Variants in TLK2 observed in about 807,000 individuals in gnomAD.
TLK2 encodes the protein serine/threonine-protein kinase tousled-like 2.
A neutral mutation model predicts 117.3 loss-of-function variants in TLK2; 6 were observed. The ratio of observed to expected loss-of-function variants is 0.05; its 90% CI spans 0.03 to 0.10. The LOEUF (loss-of-function observed/expected upper bound fraction) is 0.10. TLK2 is among the 10% of genes least tolerant of loss of function. The pLI is 1.00. For synonymous variants in TLK2, 257 were observed against 316.7 expected, an observed-to-expected ratio of 0.81 and a Z score of 2.00; for missense variants, 299 against 901.2, an observed-to-expected ratio of 0.33 and a Z score of 8.56.
intron 6 of TLK2, among the ~76,000 whole-genome samples, chr17:62,531,756 GTTTAT>G (rs2076756714): frequency 6.6e-6 from 1 of 152,042 alleles, no homozygotes; most frequent in Non-Finnish European, 1.5e-5. Flanking sequence ...ATTTTGTTTA[GTTTAT>G]TTTGTTTGCT....
intron 11 of TLK2, among the ~76,000 whole-genome samples, chr17:62,571,569 A>G (rs372859158): frequency 6.6e-6 from 1 of 152,206 alleles, no homozygotes; most frequent in Non-Finnish European, 1.5e-5. Context: ...CTCTTGAATT[A>G]TCATTTTCAT....
At chr17:62,583,752 A>G (rs2081385454) in intron 15 of TLK2, among the ~76,000 whole-genome samples, 1 of 151,020 alleles carries the variant, frequency 6.6e-6, no homozygotes, top group South Asian at 2.1e-4. Flanking sequence ...TAATTTTTGT[A>G]TTTTTTGGTA....
intron 15 of TLK2, chr17:62,585,562 T>G (rs1463156944): frequency 1.3e-5 from 2 of 152,234 alleles, no homozygotes; most frequent in Non-Finnish European, 2.9e-5. Context: ...CAAAACCACT[T>G]TTCATTTACC....
At chr17:62,603,987 T>C (rs1156761335) in intron 19 of TLK2, among the ~76,000 whole-genome samples, 1 of 119,240 alleles carries the variant, frequency 8.4e-6, no homozygotes, top group African/African-American at 4.8e-5. Flanking sequence ...TATTTATTTA[T>C]TTATTTATTT....
intron 6 of TLK2, among the ~76,000 whole-genome samples, chr17:62,532,755 G>A (rs2076829920): frequency 6.6e-6 from 1 of 152,028 alleles, no homozygotes; most frequent in Admixed American, 6.6e-5. Flanking sequence ...CCAGTATCTT[G>A]TAAGCATTTA....
intron 7 of TLK2, among the ~76,000 whole-genome samples, chr17:62,537,386 A>T (rs1218069112): frequency 6.6e-6 from 1 of 152,244 alleles, no homozygotes; most frequent in Non-Finnish European, 1.5e-5. Flanking sequence ...ACGTCATTTC[A>T]TTCAACATGG....
intron 10 of TLK2, among the ~76,000 whole-genome samples, chr17:62,564,361 C>T (rs531932925): frequency 6.6e-6 from 1 of 152,076 alleles, no homozygotes. Flanking sequence ...CACAGTGAAA[C>T]CCCGTCTCTA....
chr17:62,509,250 G>A (rs531764976), intron 2 of TLK2, among the ~76,000 whole-genome samples: 1 of 151,986 alleles, frequency 6.6e-6, no homozygotes, highest in African/African-American at 2.4e-5. Flanking sequence ...CACCACACCC[G>A]GGTAATTTTC....
At chr17:62,568,549 G>C (rs1339959287) in intron 11 of TLK2, among the ~76,000 whole-genome samples, 1 of 152,002 alleles carries the variant, frequency 6.6e-6, no homozygotes, top group Non-Finnish European at 1.5e-5. Context: ...GCTAGTCCAG[G>C]TATTTATTCT....
At chr17:62,562,907 C>A (rs1249468538) in intron 10 of TLK2, among the ~76,000 whole-genome samples, 1 of 152,264 alleles carries the variant, frequency 6.6e-6, no homozygotes, top group Admixed American at 6.5e-5. Flanking sequence ...ATCACTTGAA[C>A]CCAGGAGTTT....
At chr17:62,556,856 G>A (rs1464848913) in intron 9 of TLK2, among the ~76,000 whole-genome samples, 1 of 152,154 alleles carries the variant, frequency 6.6e-6, no homozygotes, top group Admixed American at 6.5e-5. Flanking sequence ...CCTTTCTTCT[G>A]AATCTCATTA....
intron 3 of TLK2, 31 bp downstream of exon 3, chr17:62,520,875 C>A: frequency 6.2e-7 from 1 of 1,608,138 alleles, no homozygotes; most frequent in Non-Finnish European, 8.5e-7. Flanking sequence ...CAGGACTTTT[C>A]ATACTTGTAC....
At chr17:62,609,809 A>G (rs1038350259) in intron 21 of TLK2, among the ~76,000 whole-genome samples, 1 of 152,206 alleles carries the variant, frequency 6.6e-6, no homozygotes, top group Non-Finnish European at 1.5e-5. Flanking sequence ...AGACAAAAAC[A>G]TCTTCCTTAA....
At chr17:62,552,035 A>C in intron 7 of TLK2, 1 of 435,346 alleles carries the variant, frequency 2.3e-6, no homozygotes. Flanking sequence ...CATTTTCTCT[A>C]ATTTTCATAT....
At chr17:62,535,916 A>T (rs553083361) in intron 6 of TLK2, among the ~76,000 whole-genome samples, 1 of 152,346 alleles carries the variant, frequency 6.6e-6, no homozygotes, top group South Asian at 2.1e-4. Flanking sequence ...ACAAAGTAAC[A>T]TGTAAATTCA....
intron 11 of TLK2, among the ~76,000 whole-genome samples, chr17:62,566,710 T>C (rs2079825072): frequency 6.6e-6 from 1 of 152,204 alleles, no homozygotes; most frequent in Non-Finnish European, 1.5e-5. Context: ...CAAGTTGTCC[T>C]GGAAGTGACA....
In TLK2 at chr17:62,536,150, G is replaced by A. The variant is rs756905874; in HGVS notation, c.364-20G>A. 5.6e-6 allele frequency: 9 copies of A among 1,606,564 alleles called. No individual in the cohort carries two copies. The highest frequency in any genetic ancestry group is 2.2e-4 in the Middle Eastern group (1 of 4,516). ...ATTATCTTTCTCATGTCATTTGTGT[G>A]TTTCTTTACTGTTTTCCAGCGACGA... On this transcript the variant is annotated intron_variant, in intron 6 of 21. Transcript: ENST00000346027.
chr17:62,567,403 A>T (rs1322754161), intron 11 of TLK2, among the ~76,000 whole-genome samples: 1 of 152,214 alleles, frequency 6.6e-6, no homozygotes, highest in African/African-American at 2.4e-5. Flanking sequence ...AAGTGAGACT[A>T]TGTAAATGAA....
chr17:62,484,303 CT>C (rs950445833), intron 2 of TLK2, among the ~76,000 whole-genome samples: 18 of 147,522 alleles, frequency 1.2e-4, no homozygotes, highest in East Asian at 1.2e-3. Flanking sequence ...CGTATGACTT[CT>C]TTTTTTTTTG....
Sources: gnomAD v4.1 joint callset for allele counts (sites outside exome capture counted in the v4.1 genomes callset) on GRCh38, gnomAD v4.1.1 for gene constraint, MANE v1.5 for transcripts, NCBI Gene and HGNC (gene_info 2026-07-23, HGNC 2026-07-21) for gene names.